The following GABARAPL1 variants were observed in gnomAD, a reference collection of about 807,000 sequenced individuals.
GABARAPL1 encodes the protein GABA type A receptor associated protein like 1.
A neutral mutation model predicts 14.5 loss-of-function variants in GABARAPL1; 4 were observed. The ratio of observed to expected loss-of-function variants is 0.28; its 90% confidence interval spans 0.14 to 0.63. The LOEUF (loss-of-function observed/expected upper bound fraction) is 0.63. Among genes scored for constraint, GABARAPL1 ranks in the 30% least tolerant of loss-of-function variants. The pLI is 0.84. For missense variants in GABARAPL1, 82 were observed against 139.2 expected (o/e 0.59, Z 2.07); for synonymous variants, 47 against 50.6 (o/e 0.93, Z 0.30).
intron 1 of GABARAPL1, among the ~76,000 whole-genome samples, chr12:10,217,844 T>A (rs141947155): frequency 6.6e-6 from 1 of 152,194 alleles, no homozygotes; most frequent in Non-Finnish European, 1.5e-5. Flanking sequence ...TCATATACAA[T>A]CTCTAGTTTA....
chr12:10,222,006 T>G lies in GABARAPL1; in HGVS notation c.*154T>G. ...ACACCACACACACCGTCATCACATTTTCACATGCTCAATTGATATTTTTTG... is the reference window on the plus strand; with the variant it reads ...ACACCACACACACCGTCATCACATTGTCACATGCTCAATTGATATTTTTTG... On this transcript the variant is annotated 3_prime_UTR_variant, in exon 4 of 4. Transcript: ENST00000266458. 1.5e-6 allele frequency: 1 copy of G among 661,588 alleles called. No individual in the cohort carries two copies. The highest frequency in any genetic ancestry group is 2.7e-6 in the Non-Finnish European group (1 of 374,408). The allele number at this position is 661,588 out of a possible 1,614,324, so 41.0% of individuals were successfully genotyped here. A position where few individuals can be genotyped will look rare whatever the true frequency, so the allele number is the denominator to read the frequency against.
chr12:10,214,487 C>T (rs942197189), intron 1 of GABARAPL1: 9 of 152,230 alleles, frequency 5.9e-5, no homozygotes, highest in African/African-American at 2.2e-4. Flanking sequence ...TTACAAATTA[C>T]TTTCCTGGTT....
intron 1 of GABARAPL1, chr12:10,214,063 C>T (rs1231703307): frequency 6.0e-6 from 2 of 334,442 alleles, no homozygotes; most frequent in South Asian, 2.2e-5. Flanking sequence ...CCTGGTGTTT[C>T]TCTAATGCAG....
At chr12:10,213,968 G>T in intron 1 of GABARAPL1, 2 of 438,058 alleles carry the variant, frequency 4.6e-6, no homozygotes, top group Non-Finnish European at 9.2e-6. Context: ...TAAAACTACC[G>T]CAGGCAGTGA....
chr12:10,219,462 A>G (rs1405376145), intron 2 of GABARAPL1, among the ~76,000 whole-genome samples: 1 of 152,166 alleles, frequency 6.6e-6, no homozygotes. Flanking sequence ...TTCTTAAGCT[A>G]CATTTTTTTA....
intron 1 of GABARAPL1, among the ~76,000 whole-genome samples, chr12:10,216,459 GTTT>G (rs200027486): frequency 7.1e-6 from 1 of 140,140 alleles, no homozygotes; most frequent in Non-Finnish European, 1.6e-5. Flanking sequence ...TACTCATACA[GTTT>G]TTTTTTTTTC....
Position 10,213,061 on chromosome 12 carries a change from G to A in GABARAPL1, c.-69G>A. On this transcript the variant is annotated 5_prime_UTR_variant, in exon 1 of 4. Coordinates refer to ENST00000266458, the MANE Select transcript of GABARAPL1 (RefSeq NM_031412.4). ...GAGCACACCTTGACGTCGGCTGAGG[G>A]AGCGGGACAGGGTCAGCGGCGAAGG... 1.1e-6 allele frequency: 1 copy of A among 938,822 alleles called. No individual in the cohort carries two copies. Among genetic ancestry groups the A allele is most frequent in the Non-Finnish European group, 1.7e-6 (1 of 587,254 alleles). 58.2% of individuals were successfully genotyped at this position (938,822 alleles called of 1,614,324 possible).
chr12:10,222,336 A>G lies in GABARAPL1; in HGVS notation c.*484A>G. On this transcript the variant is annotated 3_prime_UTR_variant, in exon 4 of 4. Coordinates refer to ENST00000266458, the MANE Select transcript of GABARAPL1 (RefSeq NM_031412.4). ...AAAAGAGACCCACTGTAATTGATGCATTGTGGCCCCTGATCTTCCCTGTCT... is the reference window on the plus strand; with the variant it reads ...AAAAGAGACCCACTGTAATTGATGCGTTGTGGCCCCTGATCTTCCCTGTCT... 1.2e-5 allele frequency: 2 copies of G among 165,106 alleles called. No individual in the cohort carries two copies. The highest frequency in any genetic ancestry group is 3.3e-4 in the South Asian group (2 of 6,064). 10.2% of individuals were successfully genotyped at this position (165,106 alleles called of 1,614,324 possible).
chr12:10,222,122 T>C lies in GABARAPL1; in HGVS notation c.*270T>C. ...ATGGGGATGATGTAAGTTTACAGTA[T>C]TCCTGGGGTTTAATTGTTGTGCAGT... On this transcript the variant is annotated 3_prime_UTR_variant, in exon 4 of 4. Transcript: ENST00000266458. 2 of 447,782 alleles carry C rather than the reference T, an allele frequency of 4.5e-6. No individual in the cohort carries two copies. The highest frequency in any genetic ancestry group is 8.3e-6 in the Non-Finnish European group (2 of 242,150). 27.7% of individuals were successfully genotyped at this position (447,782 alleles called of 1,614,324 possible).
chr12:10,213,325 A>C (rs777559876), intron 1 of GABARAPL1, 106 bp downstream of exon 1: 1 of 735,502 alleles, frequency 1.4e-6, no homozygotes, highest in African/African-American at 1.7e-5. Flanking sequence ...TGGAGAAGGG[A>C]GGTTCCGAGA....
rs763876908 is a variant in GABARAPL1, at chr12:10,218,050, C to T, written c.91-13C>T. On this transcript the variant is annotated splice_polypyrimidine_tract_variant and intron_variant, in intron 1 of 3. Coordinates refer to ENST00000266458, the MANE Select transcript of GABARAPL1 (RefSeq NM_031412.4). ...CTGTAGTTTTCATTCCTACTCTCCTCCTCTTCTTCCAGGTGATTGTAGAGA... is the reference window on the plus strand; with the variant it reads ...CTGTAGTTTTCATTCCTACTCTCCTTCTCTTCTTCCAGGTGATTGTAGAGA... The T allele has an allele frequency of 1.3e-6, 2 of 1,542,278 alleles. No homozygotes were observed. Among genetic ancestry groups the T allele is most frequent in the South Asian group, 2.2e-5 (2 of 89,500 alleles).
rs373815200 is a variant in GABARAPL1, at chr12:10,221,881, C to T, written c.*29C>T. The T allele has an allele frequency of 4.0e-5, 65 of 1,609,312 alleles. No homozygotes were observed. The highest frequency in any genetic ancestry group is 5.3e-5 in the African/African-American group (4 of 74,774). ...GTTGGAAGCCCAGCAGATGGGAGCA[C>T]CTGGACTTGGGGGTAGGGGAGGGGT... On this transcript the variant is annotated 3_prime_UTR_variant, in exon 4 of 4. Transcript: ENST00000266458.
In GABARAPL1 at chr12:10,222,906, T is replaced by C. The variant is rs1257213388; in HGVS notation, c.*1054T>C. 1 of 152,600 alleles carries C rather than the reference T, an allele frequency of 6.6e-6. No individual in the cohort carries two copies. The highest frequency in any genetic ancestry group is 1.5e-5 in the Non-Finnish European group (1 of 68,034). 9.5% of individuals were successfully genotyped at this position (152,600 alleles called of 1,614,324 possible). On this transcript the variant is annotated 3_prime_UTR_variant, in exon 4 of 4. Transcript: ENST00000266458. ...GTTTGGAGGGATGACTTTTAGTAAATCATGGGGATTTTATTGATTTATTTT... is the reference window on the plus strand; with the variant it reads ...GTTTGGAGGGATGACTTTTAGTAAACCATGGGGATTTTATTGATTTATTTT...
chr12:10,219,670 C>T (rs1211522459), intron 2 of GABARAPL1, among the ~76,000 whole-genome samples: 1 of 151,706 alleles, frequency 6.6e-6, no homozygotes, highest in African/African-American at 2.4e-5. Context: ...CATGGTGGCG[C>T]GTGCCTGTAA....
chr12:10,220,743 AG>A lies in GABARAPL1; in HGVS notation c.288+186del, dbSNP rs777274510. ...AGATACCTCTTGTTTTTTAGGGATTAGCCACTCTACTAGATTTAATCCTTCT... is the reference window on the plus strand; with the variant it reads ...AGATACCTCTTGTTTTTTAGGGATTACCACTCTACTAGATTTAATCCTTCT... On this transcript the variant is annotated intron_variant, in intron 3 of 3. Coordinates refer to ENST00000266458, the MANE Select transcript of GABARAPL1 (RefSeq NM_031412.4). 5.3e-6 allele frequency: 8 copies of A among 1,517,998 alleles called. No individual in the cohort carries two copies. In the African/African-American group the frequency reaches 8.2e-5, roughly 16 times the overall value. 94.0% of individuals were successfully genotyped at this position (1,517,998 alleles called of 1,614,324 possible).
chr12:10,213,851 T>C (rs1355069708), intron 1 of GABARAPL1: 1 of 455,790 alleles, frequency 2.2e-6, no homozygotes, highest in Non-Finnish European at 4.4e-6. Flanking sequence ...GGGGCTTGTG[T>C]GGGGACAGCC....
At chr12:10,213,851 T>G in intron 1 of GABARAPL1, 1 of 455,908 alleles carries the variant, frequency 2.2e-6, no homozygotes, top group Non-Finnish European at 4.4e-6. Context: ...GGGGCTTGTG[T>G]GGGGACAGCC....
rs1039656234 is a variant in GABARAPL1 at position 10,212,995 on chromosome 12, A to G, written c.-135A>G. On this transcript the variant is annotated 5_prime_UTR_variant, in exon 1 of 4. Transcript: ENST00000266458. The stretch of plus-strand genomic sequence containing the variant: ...CGAACCCCCCCTGCACACTCGGCCC[A>G]GCGCTGTTGCCCCCGGAGCGGACGT... The G allele has an allele frequency of 6.1e-6, 3 of 491,834 alleles. No homozygotes were observed. Among genetic ancestry groups the G allele is most frequent in the African/African-American group, 6.0e-5 (3 of 49,694 alleles). The allele number at this position is 491,834 out of a possible 1,614,324, so 30.5% of individuals were successfully genotyped here.
At chr12:10,217,324 A>G (rs183779025) in intron 1 of GABARAPL1, among the ~76,000 whole-genome samples, 1 of 152,346 alleles carries the variant, frequency 6.6e-6, no homozygotes, top group East Asian at 1.9e-4. Flanking sequence ...AAATTTTGAC[A>G]AAGATTTAAA....
Sources: allele counts gnomAD v4.1 joint callset (sites outside exome capture counted in the v4.1 genomes callset), GRCh38; gene constraint gnomAD v4.1.1; transcripts MANE v1.5; gene names NCBI Gene and HGNC (gene_info 2026-07-23, HGNC 2026-07-21).